PHACTR2: variants seen among roughly 807,000 people sequenced by gnomAD.
The protein encoded by PHACTR2 is phosphatase and actin regulator 2.
A neutral mutation model predicts 76.0 loss-of-function variants in PHACTR2; 30 were observed. The observed-to-expected ratio is 0.39, with a 90% CI of 0.30 to 0.54. The LOEUF (loss-of-function observed/expected upper bound fraction) is 0.54. Ranked by LOEUF, PHACTR2 falls within the 20% of genes least tolerant of loss-of-function variation. The pLI, the probability that PHACTR2 is intolerant of heterozygous loss-of-function variation, is 0.61. For missense variants in PHACTR2, 696 were observed against 781.1 expected (o/e 0.89, Z 1.30); for synonymous variants, 292 against 292.5 (o/e 1.00, Z 0.02).
intron 4 of PHACTR2, among the ~76,000 whole-genome samples, chr6:143,759,578 G>C (rs755335936): frequency 4.0e-5 from 6 of 150,464 alleles, no homozygotes; most frequent in Non-Finnish European, 5.9e-5. Context: ...GCAGTGAGCC[G>C]TGATCATACC....
At position 143,806,896 on chromosome 6, in the gene PHACTR2, G is replaced by T. The variant is rs1317262200; in HGVS notation, c.1846-161G>T. On this transcript the variant is annotated intron_variant, in intron 11 of 12. Transcript: ENST00000440869. The surrounding 1 kb of genome is among the most constrained non-coding windows in gnomAD (Gnocchi z 5.8). Reference sequence around the variant, plus strand: ...CACTTGAGCCCAGGAGTTTGAGGCTGCAATGAGCCATGATCTCGCCACTCC... The same window carrying T: ...CACTTGAGCCCAGGAGTTTGAGGCTTCAATGAGCCATGATCTCGCCACTCC... Among the ~76,000 whole-genome samples, 1 of 151,448 alleles carries T rather than the reference G, an allele frequency of 6.6e-6. No individual in the cohort carries two copies. The highest frequency in any genetic ancestry group is 2.4e-5 in the African/African-American group (1 of 41,168).
intron 6 of PHACTR2, among the ~76,000 whole-genome samples, chr6:143,771,174 GTATATA>G (rs748236479): frequency 2.5e-4 from 17 of 68,874 alleles, no homozygotes; most frequent in South Asian, 8.7e-4. Flanking sequence ...ATATATATAT[GTATATA>G]TATATATATG....
chr6:143,605,891 A>G (rs1420163199), upstream of PHACTR2, among the ~76,000 whole-genome samples: 1 of 152,200 alleles, frequency 6.6e-6, no homozygotes. This position sits in a 1 kb window ranked among gnomAD's most constrained non-coding sequence, Gnocchi z 5.0. Context: ...ATGATGTGAT[A>G]TAATGACATA....
At chr6:143,717,014 G>A (rs182327004) in intron 2 of PHACTR2, among the ~76,000 whole-genome samples, 2 of 152,272 alleles carry the variant, frequency 1.3e-5, no homozygotes, top group African/African-American at 4.8e-5. Context: ...TGCTCAAAAA[G>A]TGTGACTGGG....
rs938928019 is a variant in PHACTR2, at chr6:143,767,846, T to C, written c.1232+2048T>C. Reference sequence around the variant, plus strand: ...GATGAAGGTTTTTGTTTTGTTTTGTTTTGTTTTTTGAGACAGAATCTTGCA... The same window carrying C: ...GATGAAGGTTTTTGTTTTGTTTTGTCTTGTTTTTTGAGACAGAATCTTGCA... On this transcript the variant is annotated intron_variant, in intron 6 of 12. Transcript: ENST00000440869. The surrounding 1 kb of genome is among the most constrained non-coding windows in gnomAD (Gnocchi z 4.4). 3.3e-5 allele frequency among the ~76,000 whole-genome samples: 5 copies of C among 152,144 alleles called. No individual in the cohort carries two copies. The highest frequency in any genetic ancestry group is 3.3e-4 in the Admixed American group (5 of 15,268).
At position 143,805,518 on chromosome 6, in the gene PHACTR2, A is replaced by T. The variant is rs116364946; in HGVS notation, c.1846-1539A>T. Among the ~76,000 whole-genome samples the T allele has an allele frequency of 6.8e-3, 1,032 of 151,540 alleles. 11 individuals are homozygous for T. The highest frequency in any genetic ancestry group is 0.024 in the African/African-American group (979 of 41,282). ...AAAAAAAACCTCCTTTCAAGGAAGA[A>T]CGTTTTATAGATGTTAATTGGCGAG... is the stretch of plus-strand genomic sequence containing the variant. On this transcript the variant is annotated intron_variant, in intron 11 of 12. Transcript: ENST00000440869.
rs974221416 is a variant in PHACTR2 at position 143,663,126 on chromosome 6, G to C, written c.14-48890G>C. 1.3e-5 allele frequency among the ~76,000 whole-genome samples: 2 copies of C among 152,272 alleles called. No individual in the cohort carries two copies. The highest frequency in any genetic ancestry group is 4.8e-5 in the African/African-American group (2 of 41,568). ...CCAGGCCCCCACTAATGAGCACCTAGGTTGATTCCATGTCTCTGCTATTGT... is the reference window on the plus strand; with the variant it reads ...CCAGGCCCCCACTAATGAGCACCTACGTTGATTCCATGTCTCTGCTATTGT... On this transcript the variant is annotated intron_variant, in intron 1 of 11. Coordinates refer to the PHACTR2 transcript ENST00000305766. This position sits in a 1 kb window ranked among gnomAD's most constrained non-coding sequence, Gnocchi z 4.1.
chr6:143,760,735 T>G lies in PHACTR2; in HGVS notation c.694+95T>G. On this transcript the variant is annotated intron_variant, in intron 5 of 12. Coordinates refer to ENST00000440869, the MANE Select transcript of PHACTR2 (RefSeq NM_001100164.2). The surrounding 1 kb of genome is among the most constrained non-coding windows in gnomAD (Gnocchi z 6.4). The stretch of plus-strand genomic sequence containing the variant: ...TCTTCTAGGTGTGATGGGCTTTTGG[T>G]GTCTTAGGACATTACACCAGCAGGT... 1 of 1,412,512 alleles carries G rather than the reference T, an allele frequency of 7.1e-7. No individual in the cohort carries two copies. 87.5% of individuals were successfully genotyped at this position (1,412,512 alleles called of 1,614,324 possible).
chr6:143,607,173 T>C (rs901066659), upstream of PHACTR2, among the ~76,000 whole-genome samples: 3 of 152,240 alleles, frequency 2.0e-5, no homozygotes, highest in Non-Finnish European at 4.4e-5. Flanking sequence ...TGAACTGTTT[T>C]TTTAAAATTC....
In PHACTR2 at chr6:143,777,398, C is replaced by T. The variant is rs1218951790; in HGVS notation, c.1645+15C>T. The T allele has an allele frequency of 1.4e-6, 2 of 1,432,960 alleles. No homozygotes were observed. Among genetic ancestry groups the T allele is most frequent in the African/African-American group, 1.4e-5 (1 of 70,706 alleles). The allele number at this position is 1,432,960 out of a possible 1,614,324, so 88.8% of individuals were successfully genotyped here. On this transcript the variant is annotated intron_variant, in intron 9 of 12. Transcript: ENST00000440869. This position sits in a 1 kb window ranked among gnomAD's most constrained non-coding sequence, Gnocchi z 4.6. ...CATCCTAAAACGTGAGTATTCTATA[C>T]TATAGAATGATTCCTTGTGTAATCG... is the stretch of plus-strand genomic sequence containing the variant.
At chr6:143,747,190 T>A (rs186906744) in intron 2 of PHACTR2, among the ~76,000 whole-genome samples, 244 of 152,360 alleles carry the variant, frequency 1.6e-3, no homozygotes, top group African/African-American at 5.7e-3. Flanking sequence ...CCACGAATTG[T>A]CATATGAAAT....
rs916630024 is a variant in PHACTR2 at position 143,616,051 on chromosome 6, T to A, written c.13+7729T>A. Reference sequence around the variant, plus strand: ...AAGTTTCAGTTTCAGGTTTCAGAGCTATGGTTTCAAAGTTTCAGGGTTTCC... The same window carrying A: ...AAGTTTCAGTTTCAGGTTTCAGAGCAATGGTTTCAAAGTTTCAGGGTTTCC... On this transcript the variant is annotated intron_variant, in intron 1 of 11. Transcript: ENST00000305766. The surrounding 1 kb of genome is among the most constrained non-coding windows in gnomAD (Gnocchi z 4.9). Among the ~76,000 whole-genome samples the A allele has an allele frequency of 6.6e-6, 1 of 152,210 alleles. No individual in the cohort carries two copies. Among genetic ancestry groups the A allele is most frequent in the South Asian group, 2.1e-4 (1 of 4,836 alleles).
In PHACTR2 at chr6:143,719,877, A is replaced by G. The variant is rs552011976; in HGVS notation, c.214+7694A>G. On this transcript the variant is annotated intron_variant, in intron 2 of 12. Coordinates refer to ENST00000440869, the MANE Select transcript of PHACTR2 (RefSeq NM_001100164.2). The stretch of plus-strand genomic sequence containing the variant: ...GCCCAGGCTGGAGTGCAATGGCGTA[A>G]TCTCACTCACTGCAACCTCCACCTC... Among the ~76,000 whole-genome samples, 5 of 139,246 alleles carry G rather than the reference A, an allele frequency of 3.6e-5. No individual in the cohort carries two copies. The South Asian group carries it at 1.2e-3, about 32-fold the overall frequency. 91.4% of individuals were successfully genotyped at this position (139,246 alleles called of 152,430 possible). A position where few individuals can be genotyped will look rare whatever the true frequency, so the allele number is the denominator to read the frequency against.
chr6:143,633,597 T>C lies in PHACTR2; in HGVS notation c.13+25275T>C, dbSNP rs1486188350. On this transcript the variant is annotated intron_variant, in intron 1 of 11. Coordinates refer to the PHACTR2 transcript ENST00000305766. This position sits in a 1 kb window ranked among gnomAD's most constrained non-coding sequence, Gnocchi z 4.1. ...GTTTTTCCCAGTCTGTGGCTTGTCT[T>C]CTCATTATCTTGACATTGTCTTTCA... Among the ~76,000 whole-genome samples the C allele has an allele frequency of 2.6e-5, 4 of 152,320 alleles. No homozygotes were observed.
intron 1 of PHACTR2, chr6:143,711,725 T>C (rs1778179596): frequency 6.7e-6 from 4 of 596,394 alleles, no homozygotes; most frequent in Admixed American, 1.9e-5. Flanking sequence ...TTGTTGCAGA[T>C]GGATTCAGCT....
In PHACTR2 at chr6:143,751,041, T is replaced by C. The variant is rs554380869; in HGVS notation, c.295+1976T>C. Among the ~76,000 whole-genome samples, 33 of 152,324 alleles carry C rather than the reference T, an allele frequency of 2.2e-4. No homozygotes were observed. Among genetic ancestry groups the C allele is most frequent in the African/African-American group, 7.2e-4 (30 of 41,590 alleles). ...TCTGTGATTTTCCCAAAAGCAATTATCTGGAGAATTTCAGTCTGAGAGACT... is the reference window on the plus strand; with the variant it reads ...TCTGTGATTTTCCCAAAAGCAATTACCTGGAGAATTTCAGTCTGAGAGACT... On this transcript the variant is annotated intron_variant, in intron 3 of 12. Transcript: ENST00000440869. This position sits in a 1 kb window ranked among gnomAD's most constrained non-coding sequence, Gnocchi z 5.7.
chr6:143,750,245 CTACTT>C lies in PHACTR2; in HGVS notation c.295+1183_295+1187del, dbSNP rs1449995732. ...TCTGACCTGTCAAACTTTTCTTACT[CTACTT>C]TATGAATGAATTTTATGTTTTCCCT... is the stretch of plus-strand genomic sequence containing the variant. On this transcript the variant is annotated intron_variant, in intron 3 of 12. Transcript: ENST00000440869. The surrounding 1 kb of genome is among the most constrained non-coding windows in gnomAD (Gnocchi z 4.6). 1.3e-5 allele frequency among the ~76,000 whole-genome samples: 2 copies of C among 152,288 alleles called. No individual in the cohort carries two copies. Among genetic ancestry groups the C allele is most frequent in the East Asian group, 3.9e-4 (2 of 5,190 alleles).
chr6:143,700,898 C>T lies in PHACTR2; in HGVS notation c.47-11118C>T, dbSNP rs1456650017. Among the ~76,000 whole-genome samples the T allele has an allele frequency of 1.3e-5, 2 of 152,242 alleles. No individual in the cohort carries two copies. Among genetic ancestry groups the T allele is most frequent in the Non-Finnish European group, 2.9e-5 (2 of 68,046 alleles). On this transcript the variant is annotated intron_variant, in intron 1 of 12. Coordinates refer to ENST00000440869, the MANE Select transcript of PHACTR2 (RefSeq NM_001100164.2). The surrounding 1 kb of genome is among the most constrained non-coding windows in gnomAD (Gnocchi z 4.1). ...TTGGTTGATTCCTGTCACGTTTTTC[C>T]TCTCTGTAGCGACATCTTGCTATTC...
intron 1 of PHACTR2, among the ~76,000 whole-genome samples, chr6:143,586,604 G>T (rs1775632278): frequency 1.3e-5 from 2 of 152,222 alleles, no homozygotes; most frequent in African/African-American, 4.8e-5. Context: ...AGGCAAAGTG[G>T]CAGCCCAGGG....
Sources: allele counts gnomAD v4.1 joint callset (sites outside exome capture counted in the v4.1 genomes callset), GRCh38; gene constraint gnomAD v4.1.1; non-coding constraint Gnocchi (gnomAD v3.1); transcripts MANE v1.5; gene names NCBI Gene and HGNC (gene_info 2026-07-23, HGNC 2026-07-21).